The following DPP10 variants were observed in gnomAD, a reference collection of about 807,000 sequenced individuals.
DPP10 encodes dipeptidyl peptidase like 10, also known as inactive dipeptidyl peptidase 10.
In DPP10, 33 loss-of-function variants were observed where a neutral mutation model predicts 120.9. The ratio of observed to expected loss-of-function variants is 0.27; its 90% CI spans 0.21 to 0.37. The LOEUF (loss-of-function observed/expected upper bound fraction) is 0.37, where lower values mean the gene tolerates loss of function less well. Among genes scored for constraint, DPP10 ranks in the 10% least tolerant of loss-of-function variants. DPP10 has a pLI of 1.00. For missense variants in DPP10, 816 were observed against 942.8 expected, an observed-to-expected ratio of 0.87 and a Z score of 1.76; for synonymous variants, 337 against 326.1, an observed-to-expected ratio of 1.03 and a Z score of -0.36.
At chr2:115,509,558 A>T (rs2077118331) in intron 4 of DPP10, among the ~76,000 whole-genome samples, 1 of 152,106 alleles carries the variant, frequency 6.6e-6, no homozygotes, top group Non-Finnish European at 1.5e-5. Context: ...CAAATGTGAA[A>T]AATGAACCTT....
intron 5 of DPP10, among the ~76,000 whole-genome samples, chr2:115,663,482 G>T (rs1485534494): frequency 6.6e-6 from 1 of 152,082 alleles, no homozygotes; most frequent in Non-Finnish European, 1.5e-5. Flanking sequence ...AAGGTACATA[G>T]ACACTTTATA....
chr2:115,333,455 A>G (rs1229942441), intron 2 of DPP10, among the ~76,000 whole-genome samples: 1 of 152,062 alleles, frequency 6.6e-6, no homozygotes. Flanking sequence ...TGTGAATTTG[A>G]TCCTGTCAGT....
chr2:115,173,932 C>A (rs892976950), intron 1 of DPP10, among the ~76,000 whole-genome samples: 1 of 152,080 alleles, frequency 6.6e-6, no homozygotes, highest in Admixed American at 6.5e-5. Flanking sequence ...TTCCTCCCAC[C>A]TAGGTTAAGA....
chr2:115,233,844 CT>C, intron 1 of DPP10: 2 of 470,072 alleles, frequency 4.3e-6, no homozygotes, highest in Non-Finnish European at 8.5e-6. Flanking sequence ...GGGATGCAGG[CT>C]TTTCCCCATC....
intron 1 of DPP10, among the ~76,000 whole-genome samples, chr2:114,920,056 TCTTAA>T (rs1695089212): frequency 1.3e-5 from 2 of 152,132 alleles, no homozygotes; most frequent in African/African-American, 4.8e-5. Context: ...ATTTTACTGA[TCTTAA>T]CAGTCTTTGG....
intron 1 of DPP10, among the ~76,000 whole-genome samples, chr2:115,152,808 A>G (rs563465472): frequency 1.3e-5 from 2 of 152,324 alleles, no homozygotes; most frequent in African/African-American, 4.8e-5. Context: ...GCTAAGAACA[A>G]CGAAACAGCT....
intron 1 of DPP10, among the ~76,000 whole-genome samples, chr2:114,462,317 C>T (rs1678993032): frequency 6.6e-6 from 1 of 152,154 alleles, no homozygotes; most frequent in African/African-American, 2.4e-5. Flanking sequence ...ATTAACTAAA[C>T]TCCATACTTT....
At chr2:115,618,300 G>C (rs898316688) in intron 5 of DPP10, among the ~76,000 whole-genome samples, 4 of 152,176 alleles carry the variant, frequency 2.6e-5, no homozygotes, top group African/African-American at 4.8e-5. Flanking sequence ...AATATACATT[G>C]AGTGCAATGT....
intron 1 of DPP10, among the ~76,000 whole-genome samples, chr2:114,502,162 C>G (rs1683249944): frequency 6.6e-6 from 1 of 151,942 alleles, no homozygotes; most frequent in South Asian, 2.1e-4. Context: ...ATCATATTGG[C>G]CAGGCTGGTC....
At chr2:115,754,093 A>G (rs1679092311) in intron 11 of DPP10, among the ~76,000 whole-genome samples, 1 of 152,176 alleles carries the variant, frequency 6.6e-6, no homozygotes, top group African/African-American at 2.4e-5. Context: ...AAGTAAATGC[A>G]CAAAATCAAC....
At chr2:115,444,311 T>G (rs1022244423) in intron 3 of DPP10, among the ~76,000 whole-genome samples, 2 of 152,258 alleles carry the variant, frequency 1.3e-5, no homozygotes, top group African/African-American at 2.4e-5. Flanking sequence ...GTTTATGTTC[T>G]AAACTTAGTG....
chr2:115,307,640 G>T (rs1377321474), intron 1 of DPP10, among the ~76,000 whole-genome samples: 1 of 151,918 alleles, frequency 6.6e-6, no homozygotes, highest in African/African-American at 2.4e-5. Context: ...AGCCTCTCTC[G>T]TTCTGTCACT....
At chr2:114,577,793 G>T (rs2105061841) in intron 1 of DPP10, among the ~76,000 whole-genome samples, 1 of 152,232 alleles carries the variant, frequency 6.6e-6, no homozygotes, top group East Asian at 1.9e-4. Context: ...GCTGCTGGTG[G>T]TTTGCTGGCA....
intron 1 of DPP10, among the ~76,000 whole-genome samples, chr2:114,816,099 A>G (rs1464197535): frequency 1.3e-5 from 2 of 152,196 alleles, no homozygotes; most frequent in Non-Finnish European, 2.9e-5. Context: ...TGCTTATTAC[A>G]GTCTTGACCA....
chr2:115,820,758 T>G (rs1323371598), intron 21 of DPP10, among the ~76,000 whole-genome samples: 1 of 151,970 alleles, frequency 6.6e-6, no homozygotes, highest in Admixed American at 6.6e-5. Flanking sequence ...TGAATGCCAT[T>G]GTTTCATTCC....
At chr2:114,984,186 A>G (rs1216050228) in intron 1 of DPP10, among the ~76,000 whole-genome samples, 2 of 152,206 alleles carry the variant, frequency 1.3e-5, no homozygotes, top group East Asian at 3.8e-4. Flanking sequence ...GCCACAAGTG[A>G]TAGACTATAA....
At chr2:114,752,048 C>T (rs1679278300) in intron 1 of DPP10, among the ~76,000 whole-genome samples, 1 of 152,206 alleles carries the variant, frequency 6.6e-6, no homozygotes, top group African/African-American at 2.4e-5. Context: ...TTCCTACCCC[C>T]AGAATTTATG....
At chr2:115,063,605 T>A (rs2105406635) in intron 1 of DPP10, among the ~76,000 whole-genome samples, 1 of 152,164 alleles carries the variant, frequency 6.6e-6, no homozygotes, top group Non-Finnish European at 1.5e-5. Context: ...GACTCAGAAA[T>A]AAGATTGCAT....
At chr2:114,745,880 C>T (rs183522909) in intron 1 of DPP10, among the ~76,000 whole-genome samples, 1 of 152,332 alleles carries the variant, frequency 6.6e-6, no homozygotes, top group East Asian at 1.9e-4. Context: ...CCCCACTGTC[C>T]TTTCTCATCT....
Sources: gnomAD v4.1 joint callset for allele counts (sites outside exome capture counted in the v4.1 genomes callset) on GRCh38, gnomAD v4.1.1 for gene constraint, MANE v1.5 for transcripts, NCBI Gene and HGNC (gene_info 2026-07-23, HGNC 2026-07-21) for gene names.